Variants in INPP4B observed in about 807,000 individuals in gnomAD.
INPP4B encodes the protein inositol polyphosphate 4-phosphatase type II.
Under a neutral mutation model 122.5 loss-of-function variants are expected in INPP4B, and 55 were observed. The ratio of observed to expected loss-of-function variants is 0.45; its 90% CI spans 0.36 to 0.56. The LOEUF (loss-of-function observed/expected upper bound fraction) is 0.56. INPP4B is among the 20% of genes least tolerant of loss of function. The pLI, the probability that INPP4B is intolerant of heterozygous loss-of-function variation, is 0.00. For synonymous variants in INPP4B, 403 were observed against 388.7 expected (o/e 1.04, Z -0.43); for missense variants, 1,000 against 1,097.7 (o/e 0.91, Z 1.26).
intron 2 of INPP4B, among the ~76,000 whole-genome samples, chr4:142,724,272 T>C (rs530867127): frequency 1.6e-3 from 249 of 152,230 alleles, no homozygotes; most frequent in Non-Finnish European, 3.1e-3. Context: ...TATATACATA[T>C]CTCTGAGAAA....
intron 2 of INPP4B, among the ~76,000 whole-genome samples, chr4:142,692,913 C>CGA (rs1760396338): frequency 1.9e-5 from 1 of 52,494 alleles, no homozygotes; most frequent in African/African-American, 6.3e-5. Context: ...AGGCTAGTCT[C>CGA]TATAGATAGA....
intron 2 of INPP4B, among the ~76,000 whole-genome samples, chr4:142,520,419 G>A (rs1481400415): frequency 6.6e-6 from 1 of 151,868 alleles, no homozygotes; most frequent in Non-Finnish European, 1.5e-5. Flanking sequence ...ATTATTGAAG[G>A]AGTAGGGATG....
At chr4:142,692,087 AG>A (rs1321222215) in intron 2 of INPP4B, among the ~76,000 whole-genome samples, 2 of 152,150 alleles carry the variant, frequency 1.3e-5, no homozygotes, top group Non-Finnish European at 2.9e-5. Context: ...CAGAAGCCGC[AG>A]ATGGCACAAA....
At chr4:142,597,177 T>A (rs753527554) in intron 2 of INPP4B, among the ~76,000 whole-genome samples, 1 of 152,210 alleles carries the variant, frequency 6.6e-6, no homozygotes, top group Admixed American at 6.5e-5. Context: ...AGGACTATCT[T>A]ACCCCCGGAA....
chr4:142,778,217 T>C (rs1774233682), intron 1 of INPP4B, among the ~76,000 whole-genome samples: 1 of 152,162 alleles, frequency 6.6e-6, no homozygotes, highest in African/African-American at 2.4e-5. Context: ...TAGCAATAGG[T>C]ATTCAATATA....
At chr4:142,392,463 G>A (rs1332615677) in intron 7 of INPP4B, among the ~76,000 whole-genome samples, 4 of 151,982 alleles carry the variant, frequency 2.6e-5, no homozygotes, top group Non-Finnish European at 5.9e-5. Flanking sequence ...AAAGATGAAA[G>A]CCCAATATAG....
chr4:142,077,037 C>T (rs983209022), intron 25 of INPP4B, among the ~76,000 whole-genome samples: 2 of 151,974 alleles, frequency 1.3e-5, no homozygotes, highest in Non-Finnish European at 2.9e-5. Context: ...GAGTCATTTA[C>T]TTATAAAGCA....
At chr4:142,117,776 T>C (rs989059352) in intron 21 of INPP4B, among the ~76,000 whole-genome samples, 1 of 152,110 alleles carries the variant, frequency 6.6e-6, no homozygotes, top group Non-Finnish European at 1.5e-5. Context: ...ACACATAGTG[T>C]TGGAAGTTCT....
intron 7 of INPP4B, among the ~76,000 whole-genome samples, chr4:142,368,375 A>G (rs186397667): frequency 1.3e-5 from 2 of 152,218 alleles, no homozygotes; most frequent in African/African-American, 4.8e-5. Context: ...ATTTTCTTCC[A>G]ATATTCAACT....
intron 1 of INPP4B, among the ~76,000 whole-genome samples, chr4:142,825,471 G>GTATCATATCATATCATATCA (rs200616320): frequency 1.3e-5 from 2 of 151,592 alleles, no homozygotes; most frequent in Admixed American, 6.6e-5. Flanking sequence ...ATATATATAT[G>GTATCATATCATATCATATCA]TATCATATCA....
chr4:142,268,578 C>T (rs918058654), intron 10 of INPP4B, among the ~76,000 whole-genome samples: 2 of 151,828 alleles, frequency 1.3e-5, no homozygotes, highest in African/African-American at 2.4e-5. Flanking sequence ...ACATTACTCA[C>T]AATAACTAAG....
chr4:142,067,996 C>A (rs1578787036), intron 25 of INPP4B, among the ~76,000 whole-genome samples: 1 of 152,236 alleles, frequency 6.6e-6, no homozygotes, highest in East Asian at 1.9e-4. Context: ...CAAAGATACT[C>A]CTCGAGAAGA....
chr4:142,248,652 A>ATG (rs879745545), intron 11 of INPP4B, among the ~76,000 whole-genome samples: 81 of 127,902 alleles, frequency 6.3e-4, no homozygotes, highest in African/African-American at 2.1e-3. Context: ...GTGTGTGTGT[A>ATG]TGTGTGTGTG....
At chr4:142,362,670 A>T (rs1785874457) in intron 7 of INPP4B, among the ~76,000 whole-genome samples, 1 of 151,936 alleles carries the variant, frequency 6.6e-6, no homozygotes, top group Non-Finnish European at 1.5e-5. Context: ...AAAAAATGAA[A>T]TCATGTCCTC....
chr4:142,726,845 G>A (rs1765403174), intron 1 of INPP4B, among the ~76,000 whole-genome samples: 1 of 152,134 alleles, frequency 6.6e-6, no homozygotes, highest in African/African-American at 2.4e-5. Context: ...TGTAATATGG[G>A]AATGATATTT....
intron 8 of INPP4B, among the ~76,000 whole-genome samples, chr4:142,312,932 C>G (rs1454122190): frequency 6.6e-6 from 1 of 152,112 alleles, no homozygotes; most frequent in Non-Finnish European, 1.5e-5. Flanking sequence ...CTTGCCCTCA[C>G]CAGGGGCAAG....
chr4:142,523,855 A>T (rs1209802109), intron 2 of INPP4B, among the ~76,000 whole-genome samples: 3 of 133,380 alleles, frequency 2.2e-5, no homozygotes, highest in African/African-American at 8.6e-5. Flanking sequence ...CCCCTTCCTG[A>T]GTCCATGTGA....
intron 2 of INPP4B, among the ~76,000 whole-genome samples, chr4:142,607,693 C>T (rs1741570738): frequency 6.6e-6 from 1 of 152,074 alleles, no homozygotes; most frequent in African/African-American, 2.4e-5. Context: ...TTATTTTGCA[C>T]ATTCACATTA....
chr4:142,347,094 G>A (rs945926575), intron 7 of INPP4B, among the ~76,000 whole-genome samples: 16 of 151,972 alleles, frequency 1.1e-4, no homozygotes, highest in South Asian at 2.1e-4. Context: ...ATAACCAACC[G>A]TATCTTTAAA....
Sources: gnomAD v4.1 joint callset for allele counts (sites outside exome capture counted in the v4.1 genomes callset) on GRCh38, gnomAD v4.1.1 for gene constraint, MANE v1.5 for transcripts, NCBI Gene and HGNC (gene_info 2026-07-23, HGNC 2026-07-21) for gene names.